Variants in PLA2G4A observed in about 807,000 individuals in gnomAD.
The protein encoded by PLA2G4A is phospholipase A2 group IVA.
Under a neutral mutation model 81.9 loss-of-function variants are expected in PLA2G4A, and 40 were observed. The observed-to-expected ratio is 0.49, with a 90% confidence interval of 0.38 to 0.64. The LOEUF is 0.64. Ranked by LOEUF, PLA2G4A falls within the 30% of genes least tolerant of loss-of-function variation. The pLI, the probability that PLA2G4A is intolerant of heterozygous loss-of-function variation, is 0.00. For missense variants in PLA2G4A, 715 were observed against 905.1 expected, an observed-to-expected ratio of 0.79 and a Z score of 2.69; for synonymous variants, 302 against 296.9, an observed-to-expected ratio of 1.02 and a Z score of -0.18.
At chr1:186,851,987 T>C (rs976997016) in intron 1 of PLA2G4A, among the ~76,000 whole-genome samples, 1 of 151,990 alleles carries the variant, frequency 6.6e-6, no homozygotes. Context: ...ATACAACTTA[T>C]GGATAAATAG....
chr1:186,830,050 G>A (rs1416224910), intron 1 of PLA2G4A, among the ~76,000 whole-genome samples: 2 of 152,184 alleles, frequency 1.3e-5, no homozygotes, highest in African/African-American at 2.4e-5. Context: ...GAGGACTGTA[G>A]TGAAACAAGC....
At chr1:186,888,394 C>G (rs1425056436) in intron 3 of PLA2G4A, among the ~76,000 whole-genome samples, 1 of 152,062 alleles carries the variant, frequency 6.6e-6, no homozygotes, top group Non-Finnish European at 1.5e-5. Context: ...CCATCTGGTG[C>G]CTTCCAAGGA....
At chr1:186,846,127 C>CA (rs1287699948) in intron 1 of PLA2G4A, among the ~76,000 whole-genome samples, 1 of 152,118 alleles carries the variant, frequency 6.6e-6, no homozygotes, top group Non-Finnish European at 1.5e-5. Context: ...AATTCTGGGA[C>CA]AAAAAATTCC....
At chr1:186,855,536 T>C (rs1652520696) in intron 2 of PLA2G4A, among the ~76,000 whole-genome samples, 2 of 152,068 alleles carry the variant, frequency 1.3e-5, no homozygotes. Flanking sequence ...GACTTGCTCA[T>C]ATACCTTCTA....
intron 10 of PLA2G4A, among the ~76,000 whole-genome samples, 186 bp downstream of exon 10, chr1:186,940,280 T>C (rs990954156): frequency 2.6e-5 from 4 of 152,208 alleles, no homozygotes; most frequent in African/African-American, 9.6e-5. Context: ...GAATATTCCA[T>C]GAAACTAGTA....
chr1:186,866,637 A>T (rs1343323699), intron 2 of PLA2G4A, among the ~76,000 whole-genome samples: 2 of 152,148 alleles, frequency 1.3e-5, no homozygotes, highest in Non-Finnish European at 2.9e-5. Context: ...CAACTTCAAA[A>T]ATCAAATATT....
Position 186,979,325 on chromosome 1 carries a change from G to C in PLA2G4A, c.1971G>C (p.Arg657Ser). Residue 657 changes from arginine to serine, a missense_variant, in exon 17 of 18, where the codon AGG becomes AGC. Transcript: ENST00000367466. ...TCTTCTGGTATTTAGGTGTTCCAAG[G>C]GAAACTGAGGAAGAGAAAGAAATCG... is the stretch of plus-strand genomic sequence containing the variant. Reference protein sequence around the residue: ...FRKYRAPGVPRETEEEKEIAD... With the variant: ...FRKYRAPGVPSETEEEKEIAD... 1 of 1,611,682 alleles carries C rather than the reference G, an allele frequency of 6.2e-7. No individual in the cohort carries two copies. Among genetic ancestry groups the C allele is most frequent in the East Asian group, 2.2e-5 (1 of 44,852 alleles).
intron 17 of PLA2G4A, among the ~76,000 whole-genome samples, chr1:186,987,020 T>C (rs187984224): frequency 6.6e-6 from 1 of 152,360 alleles, no homozygotes; most frequent in Admixed American, 6.5e-5. Context: ...AAATAAGGCA[T>C]ATAAAAGAAC....
chr1:186,873,577 C>T (rs114587729), intron 3 of PLA2G4A, among the ~76,000 whole-genome samples: 2,785 of 152,112 alleles, frequency 0.018, 101 homozygotes, highest in African/African-American at 0.065. Context: ...AATAAAAAAT[C>T]AACTAGTTAA....
At position 186,932,795 on chromosome 1, in the gene PLA2G4A, G is replaced by A; in HGVS notation, c.591G>A (p.Gly197=). ...VPVVAILGSG[G]GFRAMVGFSG... is the part of the protein sequence containing the mutation. ...TGGTAGCCATATTGGGTTCAGGTGG[G>A]GGTTTCCGAGCCATGGTGGGATTCT... The change falls in exon 8 of 18, where the codon GGG becomes GGA. Residue 197 remains glycine, a synonymous_variant. Coordinates refer to ENST00000367466, the MANE Select transcript of PLA2G4A (RefSeq NM_024420.3). The A allele has an allele frequency of 6.2e-7, 1 of 1,613,622 alleles. No homozygotes were observed. The highest frequency in any genetic ancestry group is 8.5e-7 in the Non-Finnish European group (1 of 1,179,584).
chr1:186,933,564 T>G (rs1262053156), intron 8 of PLA2G4A, among the ~76,000 whole-genome samples: 2 of 152,150 alleles, frequency 1.3e-5, no homozygotes, highest in East Asian at 3.8e-4. Context: ...ATAAGCACAT[T>G]GAAAATCAAA....
At chr1:186,882,356 C>T (rs1351682573) in intron 3 of PLA2G4A, among the ~76,000 whole-genome samples, 1 of 152,168 alleles carries the variant, frequency 6.6e-6, no homozygotes, top group Non-Finnish European at 1.5e-5. Context: ...GGACTCTTAT[C>T]TTGGATATTC....
chr1:186,844,204 G>T (rs1051949803), intron 1 of PLA2G4A, among the ~76,000 whole-genome samples: 4 of 152,140 alleles, frequency 2.6e-5, no homozygotes, highest in African/African-American at 9.7e-5. Context: ...TGAGAGTATG[G>T]TTTGAGAGAC....
At chr1:186,898,886 CATA>C (rs1311109077) in intron 5 of PLA2G4A, among the ~76,000 whole-genome samples, 8 of 152,048 alleles carry the variant, frequency 5.3e-5, no homozygotes, top group African/African-American at 1.9e-4. Flanking sequence ...TGCAGTGAGT[CATA>C]AGAAGAAATT....
chr1:186,844,504 C>A (rs975409655), intron 1 of PLA2G4A, among the ~76,000 whole-genome samples: 1 of 152,104 alleles, frequency 6.6e-6, no homozygotes. Flanking sequence ...AAGTTAGTGT[C>A]CAAATGTGTT....
chr1:186,934,654 C>T (rs1655878566), intron 8 of PLA2G4A, among the ~76,000 whole-genome samples: 1 of 151,764 alleles, frequency 6.6e-6, no homozygotes, highest in Non-Finnish European at 1.5e-5. Flanking sequence ...AGGCTGCTCA[C>T]TCCTTGTAAT....
At chr1:186,982,680 TGTGC>T (rs1245270488) in intron 17 of PLA2G4A, among the ~76,000 whole-genome samples, 61 of 151,586 alleles carry the variant, frequency 4.0e-4, no homozygotes, top group African/African-American at 1.5e-3. Flanking sequence ...TTTGTGTGTG[TGTGC>T]GTGTGTGTGT....
At chr1:186,943,505 A>C (rs1198830801) in intron 10 of PLA2G4A, among the ~76,000 whole-genome samples, 1 of 152,184 alleles carries the variant, frequency 6.6e-6, no homozygotes, top group Admixed American at 6.5e-5. Context: ...GCATGGAAAA[A>C]TTCCTATAAT....
chr1:186,861,603 C>T (rs956157392), intron 2 of PLA2G4A, among the ~76,000 whole-genome samples: 1 of 152,184 alleles, frequency 6.6e-6, no homozygotes, highest in African/African-American at 2.4e-5. Context: ...CTTTCACAGT[C>T]AGTCAGTAGT....
Sources: allele counts gnomAD v4.1 joint callset (sites outside exome capture counted in the v4.1 genomes callset), GRCh38; gene constraint gnomAD v4.1.1; transcripts MANE v1.5; gene names NCBI Gene and HGNC (gene_info 2026-07-23, HGNC 2026-07-21).